L2HGDH: variants seen among roughly 807,000 people sequenced by gnomAD.
L2HGDH encodes L-2-hydroxyglutarate dehydrogenase, mitochondrial.
A neutral mutation model predicts 51.5 loss-of-function variants in L2HGDH; 34 were observed. The observed-to-expected ratio is 0.66, with a 90% CI of 0.50 to 0.88. L2HGDH has a LOEUF of 0.88. Ranked by LOEUF, L2HGDH falls within the 40% of genes least tolerant of loss-of-function variation. The pLI is 0.00. For synonymous variants in L2HGDH, 198 were observed against 197.9 expected, an observed-to-expected ratio of 1.00 and a Z score of -0.01; for missense variants, 558 against 571.9, an observed-to-expected ratio of 0.98 and a Z score of 0.25.
chr14:50,247,932 C>A (rs912752276), intron 9 of L2HGDH, among the ~76,000 whole-genome samples: 1 of 151,784 alleles, frequency 6.6e-6, no homozygotes, highest in Non-Finnish European at 1.5e-5. Flanking sequence ...ATCTGTTGCT[C>A]AGGTTGTGTA....
At chr14:50,307,989 AAG>A (rs1333920186) in intron 1 of L2HGDH, among the ~76,000 whole-genome samples, 1 of 152,250 alleles carries the variant, frequency 6.6e-6, no homozygotes, top group Non-Finnish European at 1.5e-5. Context: ...GCTCTGCAAA[AAG>A]ACTCTGTTAA....
Position 50,244,643 on chromosome 14 carries a change from T to G in L2HGDH, c.*2415A>C. 1.0e-6 allele frequency: 1 copy of G among 985,458 alleles called. No homozygotes were observed. The highest frequency in any genetic ancestry group is 1.2e-6 in the Non-Finnish European group (1 of 829,926). The allele number at this position is 985,458 out of a possible 1,614,324, so 61.0% of individuals were successfully genotyped here. Reference sequence around the variant, plus strand: ...TCATCCTAAGAGTTGAATAATGGCCTACTCTGTTTACCTGGGATGTGCTAC... The same window carrying G: ...TCATCCTAAGAGTTGAATAATGGCCGACTCTGTTTACCTGGGATGTGCTAC... On this transcript the variant is annotated 3_prime_UTR_variant, in exon 10 of 10. Coordinates refer to ENST00000267436, the MANE Select transcript of L2HGDH (RefSeq NM_024884.3).
chr14:50,252,915 T>C (rs1334757711), intron 9 of L2HGDH, among the ~76,000 whole-genome samples: 1 of 152,128 alleles, frequency 6.6e-6, no homozygotes, highest in Non-Finnish European at 1.5e-5. Flanking sequence ...AGACTTAATC[T>C]GCACTACAGA....
intron 5 of L2HGDH, 127 bp downstream of exon 5, chr14:50,283,744 C>A (rs1415985579): frequency 2.7e-6 from 2 of 728,128 alleles, no homozygotes; most frequent in East Asian, 5.4e-5. Context: ...ATGTATTATT[C>A]TACTATTATT....
chr14:50,248,848 A>C (rs555206822), intron 9 of L2HGDH, among the ~76,000 whole-genome samples: 1 of 152,340 alleles, frequency 6.6e-6, no homozygotes, highest in South Asian at 2.1e-4. Context: ...AAATCAGGTG[A>C]GCAATCACAG....
In L2HGDH at chr14:50,312,220, G is replaced by A. The variant is rs950561439; in HGVS notation, c.-70C>T. ...TGACCCTCCACGGCCGAGGACCCGC[G>A]CTCTTTAGCCCCGCCCCTCACGCGG... On this transcript the variant is annotated 5_prime_UTR_variant, in exon 1 of 10. Transcript: ENST00000267436. 55 of 1,579,566 alleles carry A rather than the reference G, an allele frequency of 3.5e-5. No individual in the cohort carries two copies. In the East Asian group the frequency reaches 1.2e-3, roughly 34 times the overall value.
Position 50,269,267 on chromosome 14 carries a change from C to G in L2HGDH, c.802G>C (p.Glu268Gln), listed in dbSNP as rs755596970. 3.8e-5 allele frequency: 62 copies of G among 1,613,976 alleles called. No individual in the cohort carries two copies. Among genetic ancestry groups the G allele is most frequent in the Non-Finnish European group, 5.1e-5 (60 of 1,180,006 alleles). ...CAGLYSDRISELSGCTPDPRI... is the reference protein window; with the variant it reads ...CAGLYSDRISQLSGCTPDPRI... ...GGATCAGGAGTGCAGCCACTCAACT[C>G]TGAAATACGGTCTGAGTAAAGTCCT... is the stretch of plus-strand genomic sequence containing the variant. The change falls in exon 7 of 10, where the codon GAG becomes CAG. Residue 268 changes from glutamate to glutamine, a missense_variant. Physicochemically the swap from Glu to Gln is conservative, Grantham distance 29 (BLOSUM62 2). This residue lies in a region of L2HGDH where 321 missense variants were observed against 311.8 expected (regional missense o/e 1.03). Transcript: ENST00000267436.
chr14:50,284,228 T>C (rs1890437864), intron 4 of L2HGDH, among the ~76,000 whole-genome samples, 195 bp from the exon 5 acceptor site: 1 of 152,204 alleles, frequency 6.6e-6, no homozygotes. Flanking sequence ...CATATCTGAT[T>C]CTGAGTTGAA....
intron 6 of L2HGDH, among the ~76,000 whole-genome samples, chr14:50,271,685 A>G: frequency 6.6e-6 from 1 of 152,068 alleles, no homozygotes; most frequent in South Asian, 2.1e-4. Flanking sequence ...CCTATGTTTT[A>G]TTAGAGATAA....
At chr14:50,304,737 A>G (rs1405916835) in intron 1 of L2HGDH, among the ~76,000 whole-genome samples, 1 of 152,184 alleles carries the variant, frequency 6.6e-6, no homozygotes, top group Non-Finnish European at 1.5e-5. Context: ...CGGGAGGCTG[A>G]GGCAGGAGAA....
At chr14:50,272,402 C>T (rs1005581146) in intron 6 of L2HGDH, among the ~76,000 whole-genome samples, 3 of 152,148 alleles carry the variant, frequency 2.0e-5, no homozygotes, top group Non-Finnish European at 4.4e-5. Context: ...AATGGAAAGC[C>T]TGCCACCTGG....
In L2HGDH at chr14:50,294,171, G is replaced by C; in HGVS notation, c.484C>G (p.Pro162Ala). The C allele has an allele frequency of 6.2e-7, 1 of 1,613,694 alleles. No homozygotes were observed. The highest frequency in any genetic ancestry group is 2.2e-5 in the East Asian group (1 of 44,860). Residue 162 changes from proline to alanine, a missense_variant, in exon 4 of 10, where the codon CCG becomes GCG. Around this residue, in one of 3 missense-constraint regions of L2HGDH, gnomAD observed 43 missense variants for 72.9 expected, o/e 0.59. Transcript: ENST00000267436. ...LYEKGLQNGV[P>A]GLRLIQQEDI... ...TCCTGCTGGATCAGCCTCAGGCCCG[G>C]GACACCATTCTGGAGGCCTTTCTCA...
At chr14:50,293,791 T>G (rs1348708081) in intron 4 of L2HGDH, among the ~76,000 whole-genome samples, 1 of 152,214 alleles carries the variant, frequency 6.6e-6, no homozygotes, top group Admixed American at 6.6e-5. Flanking sequence ...GGCCTAACCC[T>G]GCCTTTTCAG....
intron 5 of L2HGDH, among the ~76,000 whole-genome samples, chr14:50,283,294 A>G (rs951129786): frequency 6.6e-6 from 1 of 152,180 alleles, no homozygotes; most frequent in African/African-American, 2.4e-5. Flanking sequence ...CAAATTTTCC[A>G]TAAACAGCCT....
rs1338809462 is a variant in L2HGDH, at chr14:50,244,605, G to A, written c.*2453C>T. ...TTTCTTCTGTCATTGATATCTGAAT[G>A]CTTTTAATATACTCATCCTAAGAGT... On this transcript the variant is annotated 3_prime_UTR_variant, in exon 10 of 10. Coordinates refer to ENST00000267436, the MANE Select transcript of L2HGDH (RefSeq NM_024884.3). 1 of 985,230 alleles carries A rather than the reference G, an allele frequency of 1.0e-6. No individual in the cohort carries two copies. The highest frequency in any genetic ancestry group is 1.2e-6 in the Non-Finnish European group (1 of 829,924). 61.0% of individuals were successfully genotyped at this position (985,230 alleles called of 1,614,324 possible). A position where few individuals can be genotyped will look rare whatever the true frequency, so the allele number is the denominator to read the frequency against.
chr14:50,300,487 G>T (rs2030343858), intron 3 of L2HGDH, among the ~76,000 whole-genome samples: 1 of 151,952 alleles, frequency 6.6e-6, no homozygotes, highest in Non-Finnish European at 1.5e-5. Context: ...TAGAGATGGG[G>T]TTTCACCATG....
In L2HGDH at chr14:50,244,926, T is replaced by C; in HGVS notation, c.*2132A>G. On this transcript the variant is annotated 3_prime_UTR_variant, in exon 10 of 10. Coordinates refer to ENST00000267436, the MANE Select transcript of L2HGDH (RefSeq NM_024884.3). ...TGGATGAAAATGCCTCACCTAAATGTGGTTCAGTACTCAAAGTTCTGCAGT... is the reference window on the plus strand; with the variant it reads ...TGGATGAAAATGCCTCACCTAAATGCGGTTCAGTACTCAAAGTTCTGCAGT... 1 of 985,482 alleles carries C rather than the reference T, an allele frequency of 1.0e-6. No homozygotes were observed. Among genetic ancestry groups the C allele is most frequent in the East Asian group, 1.1e-4 (1 of 8,814 alleles). The allele number at this position is 985,482 out of a possible 1,614,324, so 61.0% of individuals were successfully genotyped here.
In L2HGDH at chr14:50,296,372, C is replaced by CAAAAA. The variant is rs59868876; in HGVS notation, c.409-2131_409-2127dup. On this transcript the variant is annotated intron_variant, in intron 3 of 9. Transcript: ENST00000267436. Reference sequence around the variant, plus strand: ...TGGGTGACAAAGTGAGACCCTGTCTCAAAAAAAAAAAAAAAAAAAAAAAAA... The same window carrying CAAAAA: ...TGGGTGACAAAGTGAGACCCTGTCTCAAAAAAAAAAAAAAAAAAAAAAAAAAAAAA... 3.2e-4 allele frequency among the ~76,000 whole-genome samples: 10 copies of CAAAAA among 31,440 alleles called. 1 individual carries two copies. The highest frequency in any genetic ancestry group is 1.2e-3 in the African/African-American group (9 of 7,676). The allele number at this position is 31,440 out of a possible 152,430, so 20.6% of individuals were successfully genotyped here.
chr14:50,250,717 C>T (rs901551322), intron 9 of L2HGDH, among the ~76,000 whole-genome samples: 6 of 152,166 alleles, frequency 3.9e-5, no homozygotes, highest in Admixed American at 6.5e-5. Flanking sequence ...AAAGAGACTC[C>T]ATTTATTTGG....
Sources: allele counts gnomAD v4.1 joint callset (sites outside exome capture counted in the v4.1 genomes callset), GRCh38; gene constraint gnomAD v4.1.1; regional missense constraint gnomAD v4.1.1; transcripts MANE v1.5; gene names NCBI Gene and HGNC (gene_info 2026-07-23, HGNC 2026-07-21).